NAALADL2: variants seen among roughly 807,000 people sequenced by gnomAD.
The protein encoded by NAALADL2 is inactive N-acetylated-alpha-linked acidic dipeptidase-like protein 2.
Under a neutral mutation model 87.2 loss-of-function variants are expected in NAALADL2, and 76 were observed. The ratio of observed to expected loss-of-function variants is 0.87; its 90% CI spans 0.72 to 1.05. NAALADL2 has a LOEUF of 1.05. NAALADL2 is among the 50% of genes least tolerant of loss of function. The pLI is 0.00. For synonymous variants in NAALADL2, 354 were observed against 331.0 expected, an observed-to-expected ratio of 1.07 and a Z score of -0.75; for missense variants, 1,089 against 945.8, an observed-to-expected ratio of 1.15 and a Z score of -1.99.
chr3:174,960,481 T>A (rs941250086), intron 1 of NAALADL2, among the ~76,000 whole-genome samples: 24 of 152,078 alleles, frequency 1.6e-4, no homozygotes, highest in African/African-American at 5.6e-4. Flanking sequence ...GGACTTACTA[T>A]GAATAAGAAG....
chr3:175,252,863 A>G (rs1560235561), intron 3 of NAALADL2, among the ~76,000 whole-genome samples: 1 of 152,218 alleles, frequency 6.6e-6, no homozygotes, highest in Non-Finnish European at 1.5e-5. Context: ...GCCAAAGCCT[A>G]ATCCAGAGCA....
intron 1 of NAALADL2, among the ~76,000 whole-genome samples, chr3:174,549,446 T>A (rs955033684): frequency 6.6e-6 from 1 of 152,244 alleles, no homozygotes; most frequent in Non-Finnish European, 1.5e-5. Context: ...GATAGCTTGA[T>A]ATAAAATCAC....
chr3:174,799,118 C>T (rs534561051), intron 3 of NAALADL2, among the ~76,000 whole-genome samples: 12 of 151,104 alleles, frequency 7.9e-5, no homozygotes, highest in African/African-American at 2.9e-4. Context: ...TGCATTGAGC[C>T]ATGATCGTGC....
At chr3:175,301,343 G>A (rs1455581547) in intron 4 of NAALADL2, among the ~76,000 whole-genome samples, 1 of 152,088 alleles carries the variant, frequency 6.6e-6, no homozygotes, top group Non-Finnish European at 1.5e-5. Flanking sequence ...GTTGATAGGT[G>A]CAGCAAACCA....
In NAALADL2 at chr3:175,098,412, G is replaced by A. The variant is rs75020422; in HGVS notation, c.545+1121G>A. On this transcript the variant is annotated intron_variant, in intron 2 of 13. Transcript: ENST00000454872. ...GATAAGCCAATCAGGGGATACTCAG[G>A]TAGCCCAGAAATTCACAAAATGGAG... Among the ~76,000 whole-genome samples, 1,183 of 152,174 alleles carry A rather than the reference G, an allele frequency of 7.8e-3. 10 individuals are homozygous for A. Among genetic ancestry groups the A allele is most frequent in the African/African-American group, 0.027 (1,128 of 41,524 alleles).
chr3:175,659,160 G>A (rs779194508), intron 11 of NAALADL2, among the ~76,000 whole-genome samples: 1 of 152,048 alleles, frequency 6.6e-6, no homozygotes. Context: ...AAAATCATAT[G>A]CCTAACATAT....
At chr3:175,049,709 C>G (rs1755126267) in intron 1 of NAALADL2, among the ~76,000 whole-genome samples, 1 of 152,182 alleles carries the variant, frequency 6.6e-6, no homozygotes, top group East Asian at 1.9e-4. Flanking sequence ...GCTGACTTCT[C>G]TCTGTACCTC....
intron 13 of NAALADL2, among the ~76,000 whole-genome samples, chr3:175,777,410 T>G (rs1235579940): frequency 6.6e-6 from 1 of 152,096 alleles, no homozygotes; most frequent in Non-Finnish European, 1.5e-5. Flanking sequence ...ATTTTGAGGA[T>G]TATATGCATT....
intron 1 of NAALADL2, among the ~76,000 whole-genome samples, chr3:174,930,626 T>TTTTTTTTTTTTTTG (rs1736730668): frequency 1.6e-5 from 2 of 127,522 alleles, no homozygotes; most frequent in East Asian, 2.4e-4. Flanking sequence ...TTTTTTTTTT[T>TTTTTTTTTTTTTTG]TTTTTTTTTT....
chr3:175,185,857 AT>A (rs1225631015), intron 2 of NAALADL2, among the ~76,000 whole-genome samples: 1 of 151,518 alleles, frequency 6.6e-6, no homozygotes, highest in Non-Finnish European at 1.5e-5. Context: ...AAAACTTGCA[AT>A]TTTTTTCTGT....
In NAALADL2 at chr3:175,495,557, C is replaced by A. The variant is rs185387445; in HGVS notation, c.1653+23799C>A. On this transcript the variant is annotated intron_variant, in intron 9 of 13. Coordinates refer to ENST00000454872, the MANE Select transcript of NAALADL2 (RefSeq NM_207015.3). ...TCTTTTCTGAATCATGTTTCACTTT[C>A]TTCCTGTGCTGTCAGGGGGCCTTCA... 2.9e-4 allele frequency among the ~76,000 whole-genome samples: 44 copies of A among 152,168 alleles called. 1 individual carries two copies. In the East Asian group the frequency reaches 6.0e-3, roughly 21 times the overall value.
intron 1 of NAALADL2, among the ~76,000 whole-genome samples, chr3:174,935,073 C>T (rs942191602): frequency 3.2e-4 from 49 of 152,000 alleles, no homozygotes; most frequent in Admixed American, 7.9e-4. Context: ...CAACTTCAGA[C>T]ATTTCAAAAG....
chr3:174,706,225 T>G (rs1025111411), intron 2 of NAALADL2, among the ~76,000 whole-genome samples: 3 of 152,184 alleles, frequency 2.0e-5, no homozygotes, highest in African/African-American at 7.2e-5. Context: ...TTTCAAAAAA[T>G]GGTGCTGGGG....
chr3:174,835,734 C>T (rs1055041874), intron 3 of NAALADL2, among the ~76,000 whole-genome samples: 4 of 151,922 alleles, frequency 2.6e-5, no homozygotes, highest in African/African-American at 9.7e-5. Context: ...TACAAATGAC[C>T]AACAAGCATG....
chr3:175,036,634 C>T (rs141133612), intron 1 of NAALADL2, among the ~76,000 whole-genome samples: 1,693 of 152,058 alleles, frequency 0.011, 33 homozygotes, highest in African/African-American at 0.039. Context: ...CTCCTGACCT[C>T]GTGTTCTGCC....
intron 11 of NAALADL2, among the ~76,000 whole-genome samples, chr3:175,649,882 C>T (rs1043607720): frequency 4.6e-5 from 7 of 152,018 alleles, no homozygotes; most frequent in Non-Finnish European, 8.8e-5. Context: ...CATATCAACA[C>T]ATGAGTTTTA....
chr3:174,646,846 T>C (rs1006177438), intron 2 of NAALADL2, among the ~76,000 whole-genome samples: 1 of 152,122 alleles, frequency 6.6e-6, no homozygotes, highest in South Asian at 2.1e-4. Flanking sequence ...CCTTATTTTT[T>C]CTTAAATAAC....
At chr3:175,784,316 G>GTGAATCCATCT (rs1379183503) in intron 13 of NAALADL2, among the ~76,000 whole-genome samples, 4 of 152,098 alleles carry the variant, frequency 2.6e-5, no homozygotes, top group Non-Finnish European at 5.9e-5. Flanking sequence ...GAATTCGGCT[G>GTGAATCCATCT]TGAATCCATC....
intron 1 of NAALADL2, among the ~76,000 whole-genome samples, chr3:175,015,372 T>C (rs1021879480): frequency 2.0e-5 from 3 of 152,124 alleles, no homozygotes; most frequent in African/African-American, 7.2e-5. Context: ...TAAAAGTACT[T>C]GAACATTAGG....
Sources: gnomAD v4.1 joint callset for allele counts (sites outside exome capture counted in the v4.1 genomes callset) on GRCh38, gnomAD v4.1.1 for gene constraint, MANE v1.5 for transcripts, NCBI Gene and HGNC (gene_info 2026-07-23, HGNC 2026-07-21) for gene names.